MMP16: variants seen among roughly 807,000 people sequenced by gnomAD.
MMP16 encodes matrix metalloproteinase-16.
In MMP16, 12 loss-of-function variants were observed where a neutral mutation model predicts 67.8. The observed-to-expected ratio is 0.18, with a 90% CI of 0.11 to 0.29. MMP16 has a LOEUF of 0.29. Ranked by LOEUF, MMP16 falls within the 10% of genes least tolerant of loss-of-function variation. The pLI, the probability that MMP16 is intolerant of heterozygous loss-of-function variation, is 1.00. For synonymous variants in MMP16, 249 were observed against 255.9 expected (o/e 0.97, Z 0.26); for missense variants, 475 against 765.7 (o/e 0.62, Z 4.48).
chr8:88,160,370 A>G (rs1471013369), intron 4 of MMP16, among the ~76,000 whole-genome samples: 1 of 151,930 alleles, frequency 6.6e-6, no homozygotes, highest in Non-Finnish European at 1.5e-5. Context: ...CCAGTCTATC[A>G]TTGTTGGACA....
At chr8:88,159,156 T>A (rs1269682135) in intron 4 of MMP16, among the ~76,000 whole-genome samples, 1 of 152,182 alleles carries the variant, frequency 6.6e-6, no homozygotes, top group Non-Finnish European at 1.5e-5. Flanking sequence ...TGGGCTCTCT[T>A]TTGGGTCCAT....
At chr8:88,322,001 T>C (rs1486054230) in intron 1 of MMP16, among the ~76,000 whole-genome samples, 1 of 152,192 alleles carries the variant, frequency 6.6e-6, no homozygotes, top group Non-Finnish European at 1.5e-5. Context: ...AGAAAACACT[T>C]TAATTTCTTT....
chr8:88,062,420 A>G (rs1808411206), intron 7 of MMP16, among the ~76,000 whole-genome samples: 2 of 152,136 alleles, frequency 1.3e-5, no homozygotes, highest in Non-Finnish European at 2.9e-5. Flanking sequence ...ATGTCCAACA[A>G]TGACAGACTG....
intron 1 of MMP16, among the ~76,000 whole-genome samples, chr8:88,227,833 A>G (rs1265518194): frequency 6.6e-6 from 1 of 152,102 alleles, no homozygotes; most frequent in Non-Finnish European, 1.5e-5. Context: ...ACTCTGTTTC[A>G]TTTAACTCTG....
chr8:88,144,940 A>G (rs1348739094), intron 4 of MMP16, among the ~76,000 whole-genome samples: 1 of 152,040 alleles, frequency 6.6e-6, no homozygotes, highest in African/African-American at 2.4e-5. Context: ...TTCTCACTGA[A>G]TAAGTCAATT....
At chr8:88,188,883 G>A (rs754102906) in intron 2 of MMP16, among the ~76,000 whole-genome samples, 1 of 152,034 alleles carries the variant, frequency 6.6e-6, no homozygotes, top group African/African-American at 2.4e-5. Flanking sequence ...TCAAACTCCC[G>A]AGCTCAGGTG....
intron 1 of MMP16, among the ~76,000 whole-genome samples, chr8:88,235,854 T>C (rs765625428): frequency 2.0e-5 from 3 of 152,154 alleles, no homozygotes; most frequent in Non-Finnish European, 4.4e-5. Flanking sequence ...TCTATACACA[T>C]TTGTATTTTC....
intron 4 of MMP16, among the ~76,000 whole-genome samples, chr8:88,136,877 C>A (rs1247755446): frequency 2.6e-5 from 4 of 151,746 alleles, no homozygotes; most frequent in Non-Finnish European, 5.9e-5. Flanking sequence ...TACATTCACT[C>A]CCCACCCCCT....
In MMP16 at chr8:88,038,650, G is replaced by A. The variant is rs1586116445; in HGVS notation, c.*2811C>T. Reference sequence around the variant, plus strand: ...CCAGTTATTTTTTTCTTGACATCAAGGCCCTAAAAGGATTAAACCCTCCCA... The same window carrying A: ...CCAGTTATTTTTTTCTTGACATCAAAGCCCTAAAAGGATTAAACCCTCCCA... On this transcript the variant is annotated 3_prime_UTR_variant, in exon 10 of 10. Transcript: ENST00000286614. The surrounding 1 kb of genome is among the most constrained non-coding windows in gnomAD (Gnocchi z 4.1). The A allele has an allele frequency of 6.6e-6, 1 of 152,574 alleles. No homozygotes were observed. Among genetic ancestry groups the A allele is most frequent in the East Asian group, 1.9e-4 (1 of 5,168 alleles). The allele number at this position is 152,574 out of a possible 1,614,324, so 9.5% of individuals were successfully genotyped here.
chr8:88,112,689 G>GTGTGTC (rs1444478347), intron 6 of MMP16, among the ~76,000 whole-genome samples: 1 of 151,658 alleles, frequency 6.6e-6, no homozygotes, highest in African/African-American at 2.4e-5. Context: ...GTGTGTCTGT[G>GTGTGTC]TGTATGTATG....
intron 6 of MMP16, among the ~76,000 whole-genome samples, chr8:88,083,930 A>G (rs1808793276): frequency 1.3e-5 from 2 of 152,080 alleles, no homozygotes; most frequent in African/African-American, 4.8e-5. Flanking sequence ...ATGTTGTGGT[A>G]ACTGCAGATT....
chr8:88,072,405 G>A (rs536053189), intron 7 of MMP16, among the ~76,000 whole-genome samples: 1 of 152,208 alleles, frequency 6.6e-6, no homozygotes, highest in South Asian at 2.1e-4. Context: ...TTATTGAGCG[G>A]GAGAGCTACA....
intron 8 of MMP16, among the ~76,000 whole-genome samples, chr8:88,047,432 C>A (rs970342063): frequency 6.6e-6 from 1 of 151,960 alleles, no homozygotes; most frequent in Admixed American, 6.6e-5. Flanking sequence ...ATGAAAAAAG[C>A]AAAGCAGATA....
intron 4 of MMP16, among the ~76,000 whole-genome samples, chr8:88,141,571 C>T (rs780431620): frequency 2.0e-5 from 3 of 152,122 alleles, no homozygotes; most frequent in African/African-American, 2.4e-5. Flanking sequence ...CTTTCCTCAT[C>T]TGTAAAGTTA....
intron 2 of MMP16, among the ~76,000 whole-genome samples, chr8:88,188,980 A>T (rs1809124106): frequency 6.6e-6 from 1 of 152,144 alleles, no homozygotes; most frequent in Non-Finnish European, 1.5e-5. Flanking sequence ...TTAGGGAGGA[A>T]TATTAGATTC....
chr8:88,197,611 G>A (rs867988546), intron 1 of MMP16, among the ~76,000 whole-genome samples: 1 of 152,104 alleles, frequency 6.6e-6, no homozygotes, highest in Non-Finnish European at 1.5e-5. Flanking sequence ...ACTTAAGTAA[G>A]ATTATCCCTG....
In MMP16 at chr8:88,032,289, G is replaced by A. The variant is rs1018420101; in HGVS notation, c.*9172C>T. On this transcript the variant is annotated 3_prime_UTR_variant, in exon 10 of 10. Coordinates refer to ENST00000286614, the MANE Select transcript of MMP16 (RefSeq NM_005941.5). ...GATTCTAGCTTGTGACATTTGTGTG[G>A]TTAAAGGTTGCCGCAGCAGTCAAAG... 6.6e-6 allele frequency: 1 copy of A among 152,162 alleles called. No homozygotes were observed. Among genetic ancestry groups the A allele is most frequent in the Non-Finnish European group, 1.5e-5 (1 of 68,034 alleles). 9.4% of individuals were successfully genotyped at this position (152,162 alleles called of 1,614,324 possible).
chr8:88,310,975 T>C (rs28907898), intron 1 of MMP16, among the ~76,000 whole-genome samples: 1,871 of 152,246 alleles, frequency 0.012, 72 homozygotes, highest in Admixed American at 0.079. Context: ...TTTTCAACAG[T>C]AATTTTAAGG....
chr8:88,069,399 T>C (rs1009226271), intron 7 of MMP16: 2 of 504,188 alleles, frequency 4.0e-6, no homozygotes, highest in Non-Finnish European at 8.0e-6. Flanking sequence ...TAATTCTTCA[T>C]AGGTCTTGTG....
Sources: gnomAD v4.1 joint callset for allele counts (sites outside exome capture counted in the v4.1 genomes callset) on GRCh38, gnomAD v4.1.1 for gene constraint, Gnocchi (gnomAD v3.1) non-coding constraint, MANE v1.5 for transcripts, NCBI Gene and HGNC (gene_info 2026-07-23, HGNC 2026-07-21) for gene names.